Variants in PYGL observed in about 807,000 individuals in gnomAD.
PYGL encodes glycogen phosphorylase, liver form.
PYGL carries 90 observed loss-of-function variants against 100.1 expected under a neutral mutation model. The ratio of observed to expected loss-of-function variants is 0.90; its 90% CI spans 0.76 to 1.07. The LOEUF (loss-of-function observed/expected upper bound fraction) is 1.07, where lower values mean the gene tolerates loss of function less well. Ranked by LOEUF, PYGL falls within the 50% of genes least tolerant of loss-of-function variation. The probability of loss-of-function intolerance (pLI) is 0.00; values close to 1 mark genes in which losing one functional copy is unlikely to be tolerated. For missense variants in PYGL, 1,016 were observed against 1,057.6 expected (o/e 0.96, Z 0.55); for synonymous variants, 373 against 393.0 (o/e 0.95, Z 0.60).
At chr14:50,916,595 C>A in intron 9 of PYGL, 47 bp downstream of exon 9, 1 of 1,520,050 alleles carries the variant, frequency 6.6e-7, no homozygotes, top group Non-Finnish European at 9.1e-7. Flanking sequence ...CTTTCAACTG[C>A]AGCCATTCTG....
intron 11 of PYGL, 158 bp downstream of exon 11, chr14:50,915,178 C>CAT: frequency 1.3e-6 from 1 of 791,052 alleles, no homozygotes; most frequent in Non-Finnish European, 1.9e-6. Context: ...CTTTTCTTTT[C>CAT]TTTTTTTTTT....
At chr14:50,921,117 C>G (rs994705775) in intron 5 of PYGL, 50 bp from the exon 6 acceptor site, 1 of 1,443,892 alleles carries the variant, frequency 6.9e-7, no homozygotes, top group African/African-American at 1.4e-5. Context: ...AGTGTGATGA[C>G]ATAGGTTGAA....
At chr14:50,909,866 T>G (rs756855327) in intron 17 of PYGL, 29 bp downstream of exon 17, 1 of 1,612,814 alleles carries the variant, frequency 6.2e-7, no homozygotes, top group South Asian at 1.1e-5. Context: ...GGGGCAGTCC[T>G]GCCTAGCAAA....
intron 7 of PYGL, among the ~76,000 whole-genome samples, chr14:50,919,235 G>T (rs543732829): frequency 1.3e-5 from 2 of 152,322 alleles, no homozygotes; most frequent in South Asian, 2.1e-4. Flanking sequence ...GTTTAGGTTG[G>T]CAGTACGGTC....
chr14:50,920,387 G>A (rs1446026605), intron 7 of PYGL, among the ~76,000 whole-genome samples, 154 bp downstream of exon 7: 1 of 152,080 alleles, frequency 6.6e-6, no homozygotes, highest in African/African-American at 2.4e-5. Context: ...TTACTTGGTT[G>A]GGAGGAGAAA....
At chr14:50,937,642 T>C in intron 2 of PYGL, 94 bp downstream of exon 2, 5 of 1,257,854 alleles carry the variant, frequency 4.0e-6, no homozygotes, top group Non-Finnish European at 5.8e-6. Flanking sequence ...TTCACTCTTA[T>C]TTTACTTTAT....
intron 16 of PYGL, among the ~76,000 whole-genome samples, chr14:50,910,872 G>A (rs769038006): frequency 6.2e-4 from 95 of 152,174 alleles, no homozygotes; most frequent in Non-Finnish European, 1.2e-3. Flanking sequence ...TGATTTGCAC[G>A]CAAATTAGAG....
chr14:50,917,234 A>C (rs1389518296), intron 7 of PYGL, 129 bp from the exon 8 acceptor site: 2 of 1,034,546 alleles, frequency 1.9e-6, no homozygotes, highest in African/African-American at 3.2e-5. Context: ...TGGTGGTTTG[A>C]ATGCCAAACT....
chr14:50,908,482 A>C, intron 18 of PYGL, 145 bp from the exon 19 acceptor site: 1 of 835,634 alleles, frequency 1.2e-6, no homozygotes, highest in Non-Finnish European at 2.0e-6. Context: ...TAAGACTTTT[A>C]ACCAGCCCTC....
chr14:50,922,467 A>G (rs1182236466), intron 5 of PYGL, among the ~76,000 whole-genome samples: 1 of 152,208 alleles, frequency 6.6e-6, no homozygotes, highest in Admixed American at 6.5e-5. Flanking sequence ...GTAATCAATC[A>G]GGGAAAGTCA....
intron 12 of PYGL, 57 bp downstream of exon 12, chr14:50,914,644 T>C: frequency 7.2e-7 from 1 of 1,396,378 alleles, no homozygotes; most frequent in Non-Finnish European, 1.0e-6. Flanking sequence ...ACAAGTATAG[T>C]CATATGCCTC....
chr14:50,921,087 C>A lies in PYGL; in HGVS notation c.661-20G>T, dbSNP rs1231800851. 3 of 1,565,758 alleles carry A rather than the reference C, an allele frequency of 1.9e-6. No homozygotes were observed. The East Asian group carries it at 6.7e-5, about 35-fold the overall frequency. On this transcript the variant is annotated intron_variant, in intron 5 of 19. Coordinates refer to ENST00000216392, the MANE Select transcript of PYGL (RefSeq NM_002863.5). ...GACCACCTGTGGGATTAAACAGAAG[C>A]AGCTGCTCATTGTTTCCCAAGTGTG...
intron 6 of PYGL, 92 bp from the exon 7 acceptor site, chr14:50,920,715 TG>T: frequency 7.5e-7 from 1 of 1,340,080 alleles, no homozygotes; most frequent in Non-Finnish European, 1.1e-6. Context: ...GTGTGTCATG[TG>T]GGATTCCTAA....
At chr14:50,926,650 T>C (rs2050550051) in intron 4 of PYGL, among the ~76,000 whole-genome samples, 2 of 125,982 alleles carry the variant, frequency 1.6e-5, no homozygotes, top group African/African-American at 6.1e-5. Flanking sequence ...CACTTGAACC[T>C]GGGAGGCAGA....
At chr14:50,938,064 C>T (rs544115762) in intron 1 of PYGL, among the ~76,000 whole-genome samples, 4 of 152,142 alleles carry the variant, frequency 2.6e-5, no homozygotes, top group South Asian at 2.1e-4. Context: ...ATTCTCAGAA[C>T]GTTTGGCATT....
At chr14:50,909,808 T>A in intron 17 of PYGL, 87 bp downstream of exon 17, 1 of 1,435,196 alleles carries the variant, frequency 7.0e-7, no homozygotes, top group Non-Finnish European at 9.8e-7. Context: ...CAGTGGGATA[T>A]CGGTGTGGGC....
At chr14:50,944,117 C>A (rs1175164802) in intron 1 of PYGL, 44 bp downstream of exon 1, 1 of 1,566,324 alleles carries the variant, frequency 6.4e-7, no homozygotes, top group African/African-American at 1.3e-5. Flanking sequence ...CCGGAGACTC[C>A]GACTCCGGGC....
rs761444646 is a variant in PYGL, at chr14:50,913,023, G to C, written c.1620+6C>G. 6.2e-7 allele frequency: 1 copy of C among 1,613,516 alleles called. No individual in the cohort carries two copies. Among genetic ancestry groups the C allele is most frequent in the African/African-American group, 1.3e-5 (1 of 74,890 alleles). ...CCAGGAGGGGACCCACACCTGGAAG[G>C]CTCACCTGCTTCACCTTGGCGAGTT... On this transcript the variant is annotated splice_donor_region_variant and intron_variant, in intron 13 of 19. Transcript: ENST00000216392.
At chr14:50,941,318 A>T (rs1463131827) in intron 1 of PYGL, among the ~76,000 whole-genome samples, 1 of 148,882 alleles carries the variant, frequency 6.7e-6, no homozygotes, top group African/African-American at 2.4e-5. Context: ...TAAATTCCTG[A>T]AAAATGTCTT....
Sources: gnomAD v4.1 joint callset for allele counts (sites outside exome capture counted in the v4.1 genomes callset) on GRCh38, gnomAD v4.1.1 for gene constraint, MANE v1.5 for transcripts, NCBI Gene and HGNC (gene_info 2026-07-23, HGNC 2026-07-21) for gene names.